CDC123: variants seen among roughly 807,000 people sequenced by gnomAD.
CDC123 encodes cell division cycle 123, also known as translation initiation factor eIF2 assembly protein.
A neutral mutation model predicts 54.4 loss-of-function variants in CDC123; 37 were observed. The ratio of observed to expected loss-of-function variants is 0.68; its 90% CI spans 0.52 to 0.89. CDC123 has a LOEUF of 0.89. CDC123 is among the 40% of genes least tolerant of loss of function. CDC123 has a pLI of 0.00. For synonymous variants in CDC123, 144 were observed against 136.8 expected (o/e 1.05, Z -0.37); for missense variants, 361 against 412.1 (o/e 0.88, Z 1.07).
Position 12,243,996 on chromosome 10 carries a change from G to A in CDC123, c.718-2153G>A, listed in dbSNP as rs184082841. On this transcript the variant is annotated intron_variant, in intron 10 of 12. Coordinates refer to ENST00000281141, the MANE Select transcript of CDC123 (RefSeq NM_006023.3). ...ATGGAGGTGAGGAAACAACTCAAGC[G>A]GTGAGAAATTTGCAGGGCCTCTCCT... 2.0e-3 allele frequency among the ~76,000 whole-genome samples: 303 copies of A among 152,260 alleles called. 1 individual carries two copies. The highest frequency in any genetic ancestry group is 7.0e-3 in the African/African-American group (292 of 41,558).
At chr10:12,213,880 C>T (rs1284167517) in intron 4 of CDC123, among the ~76,000 whole-genome samples, 1 of 152,262 alleles carries the variant, frequency 6.6e-6, no homozygotes, top group African/African-American at 2.4e-5. Flanking sequence ...GACAATTGGA[C>T]CTCTTCCAGA....
At chr10:12,219,739 C>T (rs906396053) in intron 6 of CDC123, among the ~76,000 whole-genome samples, 2 of 148,024 alleles carry the variant, frequency 1.4e-5, no homozygotes, top group Non-Finnish European at 3.0e-5. Context: ...GGCTGGAGTG[C>T]AGTGGTGCAA....
chr10:12,206,414 C>T (rs1835519818), intron 2 of CDC123, among the ~76,000 whole-genome samples: 1 of 152,244 alleles, frequency 6.6e-6, no homozygotes, highest in Non-Finnish European at 1.5e-5. Flanking sequence ...CAGGGATTCA[C>T]ACGCTGACAG....
At chr10:12,246,655 CCATTT>C (rs1351994212) in intron 11 of CDC123, 1 of 163,780 alleles carries the variant, frequency 6.1e-6, no homozygotes, top group African/African-American at 2.4e-5. Flanking sequence ...GCTTTCTCCT[CCATTT>C]CCACGGTGAC....
chr10:12,245,754 T>G (rs1428345016), intron 10 of CDC123: 1 of 158,694 alleles, frequency 6.3e-6, no homozygotes, highest in Admixed American at 6.4e-5. Flanking sequence ...GTGAGAAGAT[T>G]TTTAAGATTA....
intron 4 of CDC123, among the ~76,000 whole-genome samples, chr10:12,210,781 A>T (rs1341009689): frequency 6.6e-6 from 1 of 152,042 alleles, no homozygotes; most frequent in Non-Finnish European, 1.5e-5. Flanking sequence ...GCTCACTGCA[A>T]CCTCCGCCTC....
intron 6 of CDC123, among the ~76,000 whole-genome samples, chr10:12,229,141 A>T (rs1229395906): frequency 6.6e-6 from 1 of 151,882 alleles, no homozygotes; most frequent in Non-Finnish European, 1.5e-5. Flanking sequence ...CAAGCCTTCT[A>T]CCAGGCTTCT....
Position 12,206,062 on chromosome 10 carries a change from A to G in CDC123, c.147-3905A>G, listed in dbSNP as rs182876261. Among the ~76,000 whole-genome samples, 509 of 152,306 alleles carry G rather than the reference A, an allele frequency of 3.3e-3. 1 individual carries two copies. Among genetic ancestry groups the G allele is most frequent in the African/African-American group, 0.012 (491 of 41,566 alleles). ...TGATCCACCCGCCTTGGCCTCCCAA[A>G]GTGCTGGGATTACAGGCGTGAGCCA... is the stretch of plus-strand genomic sequence containing the variant. On this transcript the variant is annotated intron_variant, in intron 2 of 12. Coordinates refer to ENST00000281141, the MANE Select transcript of CDC123 (RefSeq NM_006023.3).
chr10:12,234,509 G>A lies in CDC123; in HGVS notation c.490-539G>A, dbSNP rs912781131. The stretch of plus-strand genomic sequence containing the variant: ...GCTGGGGTTATAGGCGTGAGCCTCC[G>A]CACCTGGCTGGAATTACTTTATTAT... On this transcript the variant is annotated intron_variant, in intron 7 of 12. Transcript: ENST00000281141. Among the ~76,000 whole-genome samples the A allele has an allele frequency of 2.6e-5, 4 of 152,286 alleles. 1 individual carries two copies. The highest frequency in any genetic ancestry group is 3.9e-4 in the East Asian group (2 of 5,188).
chr10:12,236,267 G>A (rs2131759837), intron 8 of CDC123, among the ~76,000 whole-genome samples: 1 of 152,286 alleles, frequency 6.6e-6, no homozygotes, highest in South Asian at 2.1e-4. Flanking sequence ...AAGACTTTTT[G>A]TGACTTTGAA....
chr10:12,215,127 T>G (rs1303173146), intron 4 of CDC123, among the ~76,000 whole-genome samples: 1 of 152,202 alleles, frequency 6.6e-6, no homozygotes, highest in Non-Finnish European at 1.5e-5. Context: ...GGTCACTAGC[T>G]TATATAAAAT....
At chr10:12,229,167 C>CT (rs1003083430) in intron 6 of CDC123, among the ~76,000 whole-genome samples, 2 of 152,250 alleles carry the variant, frequency 1.3e-5, no homozygotes, top group African/African-American at 4.8e-5. Flanking sequence ...TCCCAGGTTG[C>CT]TGCCCTTCCC....
At chr10:12,226,446 C>T (rs1277954353) in intron 6 of CDC123, among the ~76,000 whole-genome samples, 5 of 152,036 alleles carry the variant, frequency 3.3e-5, no homozygotes, top group Non-Finnish European at 7.4e-5. Flanking sequence ...TGGAGACGCT[C>T]CTCACTTCCC....
At position 12,250,523 on chromosome 10, in the gene CDC123, A is replaced by G. The variant is rs1836227255; in HGVS notation, c.*186A>G. The stretch of plus-strand genomic sequence containing the variant: ...GGACTTTGCTACTTGTAAAAATAAC[A>G]TAATAAATAGATCTTAAACATAGGA... On this transcript the variant is annotated 3_prime_UTR_variant, in exon 13 of 13. Transcript: ENST00000281141. The G allele has an allele frequency of 3.0e-6, 2 of 672,236 alleles. No homozygotes were observed. The highest frequency in any genetic ancestry group is 5.5e-6 in the Non-Finnish European group (2 of 362,704). 41.6% of individuals were successfully genotyped at this position (672,236 alleles called of 1,614,324 possible). A position where few individuals can be genotyped will look rare whatever the true frequency, so the allele number is the denominator to read the frequency against.
At position 12,209,993 on chromosome 10, in the gene CDC123, C is replaced by G. The variant is rs1341927716; in HGVS notation, c.173C>G (p.Pro58Arg). ...GRDDPPTHSQ[P>R]DSDDEAEEIQ... ...GATGATCCACCAACACATTCTCAGC[C>G]AGACAGTGATGATGAAGCAGAAGAA... The change falls in exon 3 of 13, where the codon CCA becomes CGA. Residue 58 changes from proline (P) to arginine (R), a missense_variant. Pro to Arg is a moderately radical substitution (Grantham distance 103, BLOSUM62 -2). Coordinates refer to ENST00000281141, the MANE Select transcript of CDC123 (RefSeq NM_006023.3). 18 of 1,613,988 alleles carry G rather than the reference C, an allele frequency of 1.1e-5. No homozygotes were observed. In the Admixed American group the frequency reaches 3.0e-4, roughly 27 times the overall value.
At chr10:12,225,855 C>G (rs1255973323) in intron 6 of CDC123, among the ~76,000 whole-genome samples, 1 of 137,176 alleles carries the variant, frequency 7.3e-6, no homozygotes, top group Non-Finnish European at 1.5e-5. Flanking sequence ...GGAAGGTAAG[C>G]AGATAAACAT....
At chr10:12,235,153 C>G in intron 8 of CDC123, 30 bp downstream of exon 8, 3 of 1,544,060 alleles carry the variant, frequency 1.9e-6, no homozygotes, top group Non-Finnish European at 2.7e-6. Context: ...TTTGTTTTAT[C>G]CTTCAAAGTC....
intron 12 of CDC123, 166 bp downstream of exon 12, chr10:12,249,884 G>A: frequency 1.2e-6 from 1 of 856,710 alleles, no homozygotes. Flanking sequence ...TGAAATAGGA[G>A]CTGAAGGCAT....
chr10:12,197,382 T>G (rs981944787), intron 1 of CDC123, among the ~76,000 whole-genome samples: 13 of 22,136 alleles, frequency 5.9e-4, no homozygotes, highest in Non-Finnish European at 1.3e-3. Flanking sequence ...AAGAACTAGA[T>G]TTTTTTTTTT....
Sources: gnomAD v4.1 joint callset for allele counts (sites outside exome capture counted in the v4.1 genomes callset) on GRCh38, gnomAD v4.1.1 for gene constraint, MANE v1.5 for transcripts, NCBI Gene and HGNC (gene_info 2026-07-23, HGNC 2026-07-21) for gene names.